Variants in ZNF420 observed in about 807,000 individuals in gnomAD.
ZNF420 encodes the protein ATM and p53-associated KZNF protein.
A neutral mutation model predicts 44.7 loss-of-function variants in ZNF420; 31 were observed. The ratio of observed to expected loss-of-function variants is 0.69; its 90% CI spans 0.52 to 0.94. The LOEUF is 0.94. Ranked by LOEUF, ZNF420 falls within the 40% of genes least tolerant of loss-of-function variation. ZNF420 has a pLI of 0.00. For synonymous variants in ZNF420, 245 were observed against 267.4 expected (o/e 0.92, Z 0.82); for missense variants, 681 against 827.9 (o/e 0.82, Z 2.18).
At chr19:37,097,899 T>C (rs1969548170) in intron 4 of ZNF420, among the ~76,000 whole-genome samples, 1 of 152,248 alleles carries the variant, frequency 6.6e-6, no homozygotes, top group South Asian at 2.1e-4. Flanking sequence ...AATTTAACTT[T>C]GTAAAATGAC....
intron 1 of ZNF420, among the ~76,000 whole-genome samples, chr19:37,028,694 C>A (rs564451083): frequency 2.0e-5 from 3 of 152,216 alleles, no homozygotes; most frequent in South Asian, 4.2e-4. Context: ...CTATATATAT[C>A]ATGTGTGTGT....
intron 4 of ZNF420, among the ~76,000 whole-genome samples, chr19:37,094,872 C>G (rs1408136899): frequency 3.3e-5 from 5 of 152,164 alleles, no homozygotes; most frequent in Non-Finnish European, 4.4e-5. Flanking sequence ...GTGGCTCACG[C>G]CTGTAATCCC....
intron 1 of ZNF420, among the ~76,000 whole-genome samples, chr19:37,059,578 G>A (rs1452078945): frequency 1.3e-5 from 2 of 152,168 alleles, no homozygotes; most frequent in Non-Finnish European, 2.9e-5. Flanking sequence ...CGGAGTCTGG[G>A]GGAAGCGGCG....
chr19:37,025,977 T>C (rs1305658222), intron 1 of ZNF420, among the ~76,000 whole-genome samples: 1 of 151,946 alleles, frequency 6.6e-6, no homozygotes, highest in Non-Finnish European at 1.5e-5. Flanking sequence ...TCATCCTTGA[T>C]ACTATTTACC....
intron 1 of ZNF420, among the ~76,000 whole-genome samples, chr19:37,027,854 A>G (rs1006584111): frequency 4.6e-5 from 7 of 152,102 alleles, no homozygotes; most frequent in Non-Finnish European, 8.8e-5. Flanking sequence ...GTTACTTCCA[A>G]TCTTTGTTGG....
At chr19:37,066,396 T>C (rs969485868) in intron 1 of ZNF420, among the ~76,000 whole-genome samples, 16 of 151,592 alleles carry the variant, frequency 1.1e-4, no homozygotes, top group Non-Finnish European at 2.2e-4. Flanking sequence ...TGAGCCGAGA[T>C]TGCACTCCAG....
chr19:37,095,684 C>T (rs974375649), intron 4 of ZNF420, among the ~76,000 whole-genome samples: 26 of 152,104 alleles, frequency 1.7e-4, no homozygotes, highest in African/African-American at 4.6e-4. Context: ...CTGCAACCTC[C>T]GCTTCCCAGG....
chr19:37,011,238 C>A (rs1006481589), intron 1 of ZNF420, among the ~76,000 whole-genome samples: 6 of 152,146 alleles, frequency 3.9e-5, no homozygotes, highest in African/African-American at 9.7e-5. Context: ...TCTCCAAACC[C>A]GTTTCTGGTG....
intron 1 of ZNF420, among the ~76,000 whole-genome samples, chr19:37,010,038 C>T (rs1343739348): frequency 6.6e-6 from 1 of 152,200 alleles, no homozygotes; most frequent in Non-Finnish European, 1.5e-5. Context: ...GCCTGAGTTC[C>T]AGGAGCAGAG....
intron 4 of ZNF420, chr19:37,107,192 C>T (rs545501719): frequency 7.3e-5 from 11 of 150,414 alleles, no homozygotes; most frequent in Middle Eastern, 3.4e-3. Context: ...TGGGGGATGT[C>T]GGGCTGGGGG....
In ZNF420 at chr19:37,054,588, G is replaced by A. The variant is rs535231425; in HGVS notation, c.-124-25757G>A. Among the ~76,000 whole-genome samples the A allele has an allele frequency of 5.9e-4, 90 of 152,330 alleles. 1 individual carries two copies. Among genetic ancestry groups the A allele is most frequent in the East Asian group, 1.7e-3 (9 of 5,184 alleles). On this transcript the variant is annotated intron_variant, in intron 1 of 4. Transcript: ENST00000587029. ...GGTCAAGGCATTGTATTCAGAGAGC[G>A]TCAGCCTTGGTCTTTGAGAGTGAGT...
At chr19:37,027,839 T>C (rs1967183685) in intron 1 of ZNF420, among the ~76,000 whole-genome samples, 2 of 152,236 alleles carry the variant, frequency 1.3e-5, no homozygotes, top group Non-Finnish European at 2.9e-5. Flanking sequence ...TTGTAGGATA[T>C]CTTGGTTACT....
At chr19:37,079,956 T>G (rs1447750807) in intron 1 of ZNF420, among the ~76,000 whole-genome samples, 1 of 152,164 alleles carries the variant, frequency 6.6e-6, no homozygotes, top group Non-Finnish European at 1.5e-5. Flanking sequence ...ATCAAGCCAC[T>G]GCACTCCAGC....
intron 2 of ZNF420, among the ~76,000 whole-genome samples, chr19:37,080,769 G>A (rs1468714489): frequency 1.3e-5 from 2 of 151,956 alleles, no homozygotes; most frequent in Non-Finnish European, 1.5e-5. Context: ...GCTTAAAAAC[G>A]ATCACGGCCA....
chr19:37,062,425 G>A (rs974699074), intron 1 of ZNF420, among the ~76,000 whole-genome samples: 1 of 152,202 alleles, frequency 6.6e-6, no homozygotes, highest in Admixed American at 6.5e-5. Flanking sequence ...TCGTGTCCAT[G>A]AAAATCTTTT....
At chr19:37,116,651 G>A (rs1255304990) in intron 4 of ZNF420, among the ~76,000 whole-genome samples, 3 of 152,280 alleles carry the variant, frequency 2.0e-5, no homozygotes, top group South Asian at 2.1e-4. Flanking sequence ...GAAGCAGGGC[G>A]AGGCATTACC....
At chr19:37,115,907 A>G (rs1318786027) in intron 4 of ZNF420, among the ~76,000 whole-genome samples, 2 of 152,118 alleles carry the variant, frequency 1.3e-5, no homozygotes, top group African/African-American at 2.4e-5. Context: ...AGATTAGAGA[A>G]TGGTGATGAC....
chr19:37,085,219 A>T (rs1488599412), intron 2 of ZNF420, among the ~76,000 whole-genome samples: 2 of 152,196 alleles, frequency 1.3e-5, no homozygotes, highest in Non-Finnish European at 1.5e-5. Context: ...ATTTAGAAGT[A>T]TGTTTAATTT....
intron 4 of ZNF420, among the ~76,000 whole-genome samples, chr19:37,103,997 A>G (rs1048419465): frequency 9.2e-6 from 1 of 108,682 alleles, no homozygotes; most frequent in Non-Finnish European, 2.0e-5. Context: ...TTTTTTTATT[A>G]TACTTTAAGT....
Sources: allele counts gnomAD v4.1 joint callset (sites outside exome capture counted in the v4.1 genomes callset), GRCh38; gene constraint gnomAD v4.1.1; transcripts MANE v1.5; gene names NCBI Gene and HGNC (gene_info 2026-07-23, HGNC 2026-07-21).